Variants in SLC16A12 observed in about 807,000 individuals in gnomAD.
SLC16A12 encodes solute carrier family 16 member 12.
A neutral mutation model predicts 42.4 loss-of-function variants in SLC16A12; 17 were observed. That is an observed-to-expected ratio of 0.40 (90% CI 0.27 to 0.60). The LOEUF (loss-of-function observed/expected upper bound fraction) is 0.60. Ranked by LOEUF, SLC16A12 falls within the 20% of genes least tolerant of loss-of-function variation. The probability of loss-of-function intolerance (pLI) is 0.42; values close to 1 mark genes in which losing one functional copy is unlikely to be tolerated. For missense variants in SLC16A12, 544 were observed against 623.0 expected (o/e 0.87, Z 1.35); for synonymous variants, 224 against 229.4 (o/e 0.98, Z 0.21).
At chr10:89,505,956 C>T (rs1843054123) in intron 2 of SLC16A12, among the ~76,000 whole-genome samples, 1 of 152,172 alleles carries the variant, frequency 6.6e-6, no homozygotes, top group South Asian at 2.1e-4. Context: ...ACAGTGTAAA[C>T]AAAGCCACTT....
intron 2 of SLC16A12, among the ~76,000 whole-genome samples, chr10:89,478,509 A>C (rs1055053359): frequency 6.6e-6 from 1 of 152,202 alleles, no homozygotes; most frequent in African/African-American, 2.4e-5. Context: ...TCAAGTCCTG[A>C]GCTCACGCTG....
chr10:89,467,415 AT>A (rs1296341489), intron 2 of SLC16A12, among the ~76,000 whole-genome samples: 1 of 152,248 alleles, frequency 6.6e-6, no homozygotes, highest in Non-Finnish European at 1.5e-5. Flanking sequence ...TAGGCAAAAA[AT>A]AATAGCTGCA....
chr10:89,552,377 T>G lies in SLC16A12; in HGVS notation c.-47+3505A>C, dbSNP rs185039210. Among the ~76,000 whole-genome samples the G allele has an allele frequency of 3.3e-5, 5 of 152,380 alleles. No individual in the cohort carries two copies. In the East Asian group the frequency reaches 9.6e-4, roughly 29 times the overall value. On this transcript the variant is annotated intron_variant, in intron 2 of 2. Coordinates refer to the SLC16A12 transcript ENST00000475682. Reference sequence around the variant, plus strand: ...CCCATGTAATCTCATTTAAAAATTATAGGCTTCTGGCCAAGAACATTATGA... The same window carrying G: ...CCCATGTAATCTCATTTAAAAATTAGAGGCTTCTGGCCAAGAACATTATGA...
At chr10:89,497,927 G>A (rs1046542211) in intron 2 of SLC16A12, among the ~76,000 whole-genome samples, 7 of 152,120 alleles carry the variant, frequency 4.6e-5, no homozygotes, top group African/African-American at 1.7e-4. Context: ...ATGAGATAAA[G>A]TTAGAAGTAG....
intron 3 of SLC16A12, among the ~76,000 whole-genome samples, chr10:89,451,397 C>T (rs528032755): frequency 6.6e-6 from 1 of 152,124 alleles, no homozygotes; most frequent in Non-Finnish European, 1.5e-5. Context: ...TGATTTAATG[C>T]TTGGCTGTCA....
At chr10:89,489,399 G>A (rs1842813213) in intron 2 of SLC16A12, among the ~76,000 whole-genome samples, 1 of 151,890 alleles carries the variant, frequency 6.6e-6, no homozygotes, top group African/African-American at 2.4e-5. Context: ...GAGTGCAATG[G>A]CGAGATCTAG....
intron 2 of SLC16A12, among the ~76,000 whole-genome samples, chr10:89,482,612 C>T (rs1293487373): frequency 2.0e-5 from 3 of 151,876 alleles, no homozygotes; most frequent in Non-Finnish European, 2.9e-5. Flanking sequence ...AAGACCCTGT[C>T]TCTACAAAAA....
Position 89,430,335 on chromosome 10 carries a change from A to T in SLC16A12, c.*2729T>A. 4.4e-6 allele frequency: 1 copy of T among 227,480 alleles called. No individual in the cohort carries two copies. The highest frequency in any genetic ancestry group is 8.6e-6 in the Non-Finnish European group (1 of 116,236). 14.1% of individuals were successfully genotyped at this position (227,480 alleles called of 1,614,324 possible). On this transcript the variant is annotated 3_prime_UTR_variant, in exon 8 of 8. Coordinates refer to ENST00000371790, the MANE Select transcript of SLC16A12 (RefSeq NM_213606.4). ...AAATTCATTTTATTTTGCTTTTGAA[A>T]TAAGAAAATATTAGCATAAATATTT...
At chr10:89,433,460 G>A (rs112520968) in intron 7 of SLC16A12, 134 bp from the exon 8 acceptor site, 61 of 914,194 alleles carry the variant, frequency 6.7e-5, no homozygotes, top group Non-Finnish European at 1.0e-4. Context: ...ACAAAAAGAG[G>A]TCACCTAAAA....
chr10:89,440,514 G>A (rs190981094), intron 5 of SLC16A12, among the ~76,000 whole-genome samples: 3 of 152,310 alleles, frequency 2.0e-5, no homozygotes, highest in African/African-American at 7.2e-5. Context: ...TTGAGTGATA[G>A]GCAAACTCCC....
intron 2 of SLC16A12, among the ~76,000 whole-genome samples, chr10:89,548,490 T>G (rs1449069180): frequency 6.6e-6 from 1 of 151,998 alleles, no homozygotes; most frequent in African/African-American, 2.4e-5. Context: ...CCTTGGGGAA[T>G]GCCTGCAATG....
intron 2 of SLC16A12, among the ~76,000 whole-genome samples, chr10:89,554,636 CT>C (rs1161549315): frequency 1.3e-5 from 2 of 152,088 alleles, no homozygotes; most frequent in African/African-American, 2.4e-5. Context: ...TGTTTGTTGA[CT>C]TTTAGATGAC....
intron 5 of SLC16A12, 21 bp from the exon 6 acceptor site, chr10:89,439,204 A>G (rs772380355): frequency 1.9e-6 from 3 of 1,607,228 alleles, no homozygotes; most frequent in African/African-American, 2.7e-5. Flanking sequence ...AGAGAACTCT[A>G]TGAGTGCTGA....
At chr10:89,487,107 C>T (rs201748188) in intron 2 of SLC16A12, among the ~76,000 whole-genome samples, 5 of 152,204 alleles carry the variant, frequency 3.3e-5, no homozygotes, top group East Asian at 1.9e-4. Context: ...GTGGGCTCTG[C>T]GGATTCCATA....
chr10:89,552,835 A>G (rs1383997813), intron 2 of SLC16A12, among the ~76,000 whole-genome samples: 1 of 152,216 alleles, frequency 6.6e-6, no homozygotes, highest in Non-Finnish European at 1.5e-5. Context: ...TCAGTTTTAC[A>G]CCGGAATTAG....
At chr10:89,466,121 T>A (rs1182857664) in intron 2 of SLC16A12, among the ~76,000 whole-genome samples, 1 of 152,168 alleles carries the variant, frequency 6.6e-6, no homozygotes, top group Non-Finnish European at 1.5e-5. Flanking sequence ...TGAGCCTCAG[T>A]TTACTGATCC....
chr10:89,521,558 A>G (rs1843357220), intron 2 of SLC16A12, among the ~76,000 whole-genome samples: 2 of 152,218 alleles, frequency 1.3e-5, no homozygotes, highest in South Asian at 4.1e-4. Context: ...ACTGAGTCCT[A>G]CTGAAGCTTC....
At chr10:89,481,478 T>C (rs940096412) in intron 2 of SLC16A12, among the ~76,000 whole-genome samples, 2 of 152,178 alleles carry the variant, frequency 1.3e-5, no homozygotes, top group African/African-American at 4.8e-5. Context: ...CACTAATACC[T>C]GAGAGTTTTG....
Position 89,445,465 on chromosome 10 carries a change from T to A in SLC16A12, c.201-1606A>T, listed in dbSNP as rs192456566. Among the ~76,000 whole-genome samples the A allele has an allele frequency of 3.0e-4, 45 of 152,260 alleles. No individual in the cohort carries two copies. The East Asian group carries it at 8.5e-3, about 29-fold the overall frequency. On this transcript the variant is annotated intron_variant, in intron 3 of 7. Coordinates refer to ENST00000371790, the MANE Select transcript of SLC16A12 (RefSeq NM_213606.4). ...TGCCGGTGATACCAGGCAAACAGGG[T>A]CTGGAGTGGACCTCCAGCAAACTCC...
Sources: allele counts gnomAD v4.1 joint callset (sites outside exome capture counted in the v4.1 genomes callset), GRCh38; gene constraint gnomAD v4.1.1; transcripts MANE v1.5; gene names NCBI Gene and HGNC (gene_info 2026-07-23, HGNC 2026-07-21).